C14orf39: variants seen among roughly 807,000 people sequenced by gnomAD.
The protein encoded by C14orf39 is chromosome 14 open reading frame 39, also known as protein SIX6OS1.
In C14orf39, 66 loss-of-function variants were observed where a neutral mutation model predicts 85.6. The observed-to-expected ratio is 0.77, with a 90% CI of 0.63 to 0.95. The LOEUF (loss-of-function observed/expected upper bound fraction) is 0.95, where lower values mean the gene tolerates loss of function less well. Ranked by LOEUF, C14orf39 falls within the 40% of genes least tolerant of loss-of-function variation. C14orf39 has a pLI of 0.00. For missense variants in C14orf39, 735 were observed against 663.9 expected, an observed-to-expected ratio of 1.11 and a Z score of -1.18; for synonymous variants, 242 against 214.0, an observed-to-expected ratio of 1.13 and a Z score of -1.14.
chr14:60,480,756 A>T (rs539108492), intron 4 of C14orf39, among the ~76,000 whole-genome samples: 9 of 108,924 alleles, frequency 8.3e-5, no homozygotes, highest in African/African-American at 1.7e-4. Context: ...ATACACTATG[A>T]AATACTATAC....
At chr14:60,494,596 C>A in intron 2 of C14orf39, 1 of 152,286 alleles carries the variant, frequency 6.6e-6, no homozygotes, top group Non-Finnish European at 1.5e-5. Context: ...CAGCTATTGT[C>A]AGAGCTCTCA....
At chr14:60,479,245 G>T (rs895508023) in intron 4 of C14orf39, among the ~76,000 whole-genome samples, 1 of 151,948 alleles carries the variant, frequency 6.6e-6, no homozygotes, top group Non-Finnish European at 1.5e-5. Context: ...AACAGAACTT[G>T]TACTTAAATA....
chr14:60,513,858 G>A (rs1345210378), intron 1 of C14orf39, among the ~76,000 whole-genome samples: 1 of 152,172 alleles, frequency 6.6e-6, no homozygotes, highest in African/African-American at 2.4e-5. Flanking sequence ...AAACAGTGAT[G>A]GAGCATTTTT....
At chr14:60,470,938 G>T (rs983838939) in intron 7 of C14orf39, among the ~76,000 whole-genome samples, 5 of 151,856 alleles carry the variant, frequency 3.3e-5, no homozygotes, top group African/African-American at 4.8e-5. Context: ...CTATTACAGT[G>T]GTACTGTATT....
At position 60,437,007 on chromosome 14, in the gene C14orf39, T is replaced by C. The variant is rs1195437450; in HGVS notation, c.1602A>G (p.Thr534=). Residue 534 remains threonine (T), a synonymous_variant, in exon 18 of 18, where the codon ACA becomes ACG. Coordinates refer to ENST00000321731, the MANE Select transcript of C14orf39 (RefSeq NM_174978.3). ...LEKPEGEDGF[T]FSFPSDTSTH... ...TTGAAGTGTCTGATGGAAAAGAAAATGTAAAGCCATCTTCTCCTTCTGGCT... is the reference window on the plus strand; with the variant it reads ...TTGAAGTGTCTGATGGAAAAGAAAACGTAAAGCCATCTTCTCCTTCTGGCT... 1 of 1,610,578 alleles carries C rather than the reference T, an allele frequency of 6.2e-7. No homozygotes were observed.
At chr14:60,476,661 C>A (rs1279720262) in intron 5 of C14orf39, among the ~76,000 whole-genome samples, 1 of 152,148 alleles carries the variant, frequency 6.6e-6, no homozygotes, top group East Asian at 1.9e-4. Context: ...TTTGCTTTAG[C>A]CTCTCACAGA....
At chr14:60,503,528 T>C (rs1893170865) in intron 1 of C14orf39, among the ~76,000 whole-genome samples, 2 of 152,246 alleles carry the variant, frequency 1.3e-5, no homozygotes, top group African/African-American at 4.8e-5. Context: ...GTTTTAAACC[T>C]ATCTCTGCCA....
upstream of C14orf39, among the ~76,000 whole-genome samples, chr14:60,490,459 A>C (rs1041512575): frequency 4.7e-4 from 48 of 101,946 alleles, no homozygotes; most frequent in Non-Finnish European, 9.5e-4. Flanking sequence ...AAATGAATAA[A>C]TAAATAAATA....
rs752597618 is a variant in C14orf39, at chr14:60,458,755, A to G, written c.1118-16T>C. ...TACTCAGCATCTGTTGTCATATGAG[A>G]ACAAACTATTTTTCTTTTTGTAATT... On this transcript the variant is annotated splice_polypyrimidine_tract_variant and intron_variant, in intron 13 of 17. Transcript: ENST00000321731. The G allele has an allele frequency of 3.8e-6, 6 of 1,566,596 alleles. No individual in the cohort carries two copies. The East Asian group carries it at 1.1e-4, about 30-fold the overall frequency.
chr14:60,452,203 T>C (rs1229889343), intron 16 of C14orf39, among the ~76,000 whole-genome samples: 2 of 148,722 alleles, frequency 1.3e-5, no homozygotes, highest in African/African-American at 4.9e-5. Flanking sequence ...TCAAGCCTCA[T>C]GGTAACCACA....
chr14:60,461,117 T>A (rs1009796486), intron 13 of C14orf39, among the ~76,000 whole-genome samples: 3 of 152,012 alleles, frequency 2.0e-5, no homozygotes, highest in Non-Finnish European at 4.4e-5. Context: ...CCAGTATTTA[T>A]GATGTTCAGT....
At chr14:60,486,655 A>G (rs958435659), upstream of C14orf39, among the ~76,000 whole-genome samples, 2 of 152,234 alleles carry the variant, frequency 1.3e-5, no homozygotes, top group African/African-American at 4.8e-5. Flanking sequence ...TAAGCAGTTC[A>G]GTCCTCCAAA....
rs746282032 is a variant in C14orf39, at chr14:60,469,582, A to C, written c.626T>G (p.Leu209Trp). ...TTCCATTTCATCTACTTCTTTCTTC[A>C]ATTCGGATGAACTTTTGGTAAGATT... is the stretch of plus-strand genomic sequence containing the variant. The part of the protein sequence containing the change: ...ASNLTKSSSE[L>W]KKEVDEMEIE... The change falls in exon 8 of 18, where the codon TTG (leucine) becomes TGG (tryptophan). Residue 209 changes from leucine to tryptophan, a missense_variant. Transcript: ENST00000321731. 6.6e-7 allele frequency: 1 copy of C among 1,519,638 alleles called. No homozygotes were observed. The highest frequency in any genetic ancestry group is 1.3e-5 in the South Asian group (1 of 75,054). 94.1% of individuals were successfully genotyped at this position (1,519,638 alleles called of 1,614,324 possible). A position where few individuals can be genotyped will look rare whatever the true frequency, so the allele number is the denominator to read the frequency against.
At chr14:60,492,188 A>T (rs1185295956) in intron 2 of C14orf39, among the ~76,000 whole-genome samples, 4 of 152,212 alleles carry the variant, frequency 2.6e-5, no homozygotes, top group African/African-American at 9.6e-5. Context: ...CAAAACTTGG[A>T]GTAACATTCT....
intron 1 of C14orf39, among the ~76,000 whole-genome samples, chr14:60,504,433 T>A (rs1893180627): frequency 6.6e-6 from 1 of 152,252 alleles, no homozygotes; most frequent in Non-Finnish European, 1.5e-5. Context: ...TTCTTTCACA[T>A]CATTGAATTT....
intron 5 of C14orf39, among the ~76,000 whole-genome samples, chr14:60,477,115 C>CT (rs1446768871): frequency 2.0e-5 from 3 of 152,034 alleles, no homozygotes; most frequent in Non-Finnish European, 2.9e-5. Context: ...ATCTAAAATT[C>CT]TTTTTTAAAT....
At chr14:60,443,416 A>G (rs989073929) in intron 16 of C14orf39, among the ~76,000 whole-genome samples, 1 of 152,186 alleles carries the variant, frequency 6.6e-6, no homozygotes, top group African/African-American at 2.4e-5. Flanking sequence ...AGCCTTGCTC[A>G]CTGCTAGCAT....
Position 60,442,132 on chromosome 14 carries a change from C to A in C14orf39, c.1504-1G>T. The A allele has an allele frequency of 6.3e-7, 1 of 1,585,238 alleles. No homozygotes were observed. Among genetic ancestry groups the A allele is most frequent in the Non-Finnish European group, 8.7e-7 (1 of 1,154,454 alleles). On this transcript the variant is annotated splice_acceptor_variant, in intron 16 of 17. Coordinates refer to ENST00000321731, the MANE Select transcript of C14orf39 (RefSeq NM_174978.3). LOFTEE classifies it high-confidence loss of function. ...TTCTTGCAGAATAATGTTCATTAAA[C>A]TGGAAAATAATTTCCATTAAATATT...
chr14:60,440,306 C>G (rs1890448015), intron 17 of C14orf39, among the ~76,000 whole-genome samples: 1 of 152,058 alleles, frequency 6.6e-6, no homozygotes, highest in Non-Finnish European at 1.5e-5. Context: ...AAATGAAACC[C>G]CTGTCTCCTC....
Sources: gnomAD v4.1 joint callset for allele counts (sites outside exome capture counted in the v4.1 genomes callset) on GRCh38, gnomAD v4.1.1 for gene constraint, MANE v1.5 for transcripts, NCBI Gene and HGNC (gene_info 2026-07-23, HGNC 2026-07-21) for gene names.